Variants in NIBAN1 observed in about 807,000 individuals in gnomAD.
NIBAN1 encodes niban apoptosis regulator 1.
A neutral mutation model predicts 75.1 loss-of-function variants in NIBAN1; 81 were observed. The ratio of observed to expected loss-of-function variants is 1.08; its 90% CI spans 0.90 to 1.30. The LOEUF (loss-of-function observed/expected upper bound fraction) is 1.30. NIBAN1 is among the 50% of genes most tolerant of loss of function. NIBAN1 has a pLI of 0.00. For missense variants in NIBAN1, 1,133 were observed against 1,128.1 expected, an observed-to-expected ratio of 1.00 and a Z score of -0.06; for synonymous variants, 436 against 424.8, an observed-to-expected ratio of 1.03 and a Z score of -0.32.
chr1:184,974,261 G>T (rs748931295), intron 1 of NIBAN1, 41 bp downstream of exon 1: 506 of 1,482,962 alleles, frequency 3.4e-4, no homozygotes, highest in Non-Finnish European at 4.2e-4. Context: ...CCTGGTGCAC[G>T]GGTCAGGGTG....
chr1:184,883,859 C>T (rs190128424), intron 5 of NIBAN1, among the ~76,000 whole-genome samples: 3 of 152,158 alleles, frequency 2.0e-5, no homozygotes, highest in African/African-American at 7.2e-5. Flanking sequence ...TACCACGGAC[C>T]GTGCCACTCA....
At chr1:184,829,313 C>T (rs1654930805) in intron 6 of NIBAN1, among the ~76,000 whole-genome samples, 1 of 152,136 alleles carries the variant, frequency 6.6e-6, no homozygotes, top group Non-Finnish European at 1.5e-5. Context: ...TTGTCTTCTG[C>T]ATGTTTTCTA....
At chr1:184,823,025 C>T (rs1428170326) in intron 8 of NIBAN1, 142 bp downstream of exon 8, 2 of 959,884 alleles carry the variant, frequency 2.1e-6, no homozygotes, top group Non-Finnish European at 3.1e-6. Context: ...GTACCTCCAG[C>T]ATGTTCCTGT....
chr1:184,884,511 C>A (rs1656460046), intron 5 of NIBAN1, 122 bp downstream of exon 5: 1 of 1,326,148 alleles, frequency 7.5e-7, no homozygotes. Context: ...AGGCATGAGC[C>A]ACCGCACTTG....
intron 1 of NIBAN1, among the ~76,000 whole-genome samples, chr1:184,942,693 CAAA>C (rs1235041623): frequency 5.1e-5 from 4 of 78,372 alleles, no homozygotes; most frequent in Admixed American, 1.4e-4. Flanking sequence ...GACTCCGTCT[CAAA>C]AAAAAAAAAA....
At chr1:184,835,768 A>G (rs1382108459) in intron 5 of NIBAN1, among the ~76,000 whole-genome samples, 1 of 152,242 alleles carries the variant, frequency 6.6e-6, no homozygotes, top group Non-Finnish European at 1.5e-5. Flanking sequence ...TTTTCTAAAT[A>G]TACAATCATG....
chr1:184,960,487 G>A (rs539538601), intron 1 of NIBAN1, among the ~76,000 whole-genome samples: 1 of 152,180 alleles, frequency 6.6e-6, no homozygotes, highest in East Asian at 1.9e-4. Flanking sequence ...TATCTGTCAG[G>A]AACTGTGAAC....
chr1:184,910,966 A>G (rs1657225286), intron 1 of NIBAN1, among the ~76,000 whole-genome samples: 1 of 152,078 alleles, frequency 6.6e-6, no homozygotes, highest in African/African-American at 2.4e-5. Flanking sequence ...TCAGACTAGA[A>G]CTGCATCATC....
At chr1:184,860,869 C>G (rs1323057474) in intron 5 of NIBAN1, among the ~76,000 whole-genome samples, 1 of 152,188 alleles carries the variant, frequency 6.6e-6, no homozygotes, top group East Asian at 1.9e-4. Flanking sequence ...GAGAAAGTTT[C>G]TTGTCTGCTT....
chr1:184,957,577 G>A (rs1189593579), intron 1 of NIBAN1, among the ~76,000 whole-genome samples: 1 of 152,166 alleles, frequency 6.6e-6, no homozygotes, highest in Non-Finnish European at 1.5e-5. Context: ...CTCTGCAAAG[G>A]CCTGATGCCA....
At chr1:184,803,532 T>G (rs974319611) in intron 12 of NIBAN1, 53 bp downstream of exon 12, 1 of 1,442,146 alleles carries the variant, frequency 6.9e-7, no homozygotes, top group East Asian at 2.3e-5. Flanking sequence ...AAGAACTTGT[T>G]TGAACTTCAG....
chr1:184,910,859 T>C (rs936627080), intron 1 of NIBAN1, among the ~76,000 whole-genome samples: 1 of 152,132 alleles, frequency 6.6e-6, no homozygotes, highest in Non-Finnish European at 1.5e-5. Flanking sequence ...CGAAATTTTC[T>C]CCTGCCTGAA....
chr1:184,840,522 C>T (rs1317723484), intron 5 of NIBAN1, among the ~76,000 whole-genome samples: 1 of 151,952 alleles, frequency 6.6e-6, no homozygotes, highest in African/African-American at 2.4e-5. Context: ...CTAGTAAAGA[C>T]ATTGTTCTGA....
At chr1:184,866,149 C>G (rs1345839062) in intron 5 of NIBAN1, among the ~76,000 whole-genome samples, 1 of 152,138 alleles carries the variant, frequency 6.6e-6, no homozygotes, top group Non-Finnish European at 1.5e-5. Context: ...CTTCTAGGAA[C>G]TCCTAGTTTT....
At chr1:184,860,870 T>G (rs116621160) in intron 5 of NIBAN1, among the ~76,000 whole-genome samples, 3,239 of 152,320 alleles carry the variant, frequency 0.021, 111 homozygotes, top group African/African-American at 0.073. Context: ...AGAAAGTTTC[T>G]TGTCTGCTTA....
intron 6 of NIBAN1, among the ~76,000 whole-genome samples, chr1:184,827,559 A>AGTTTTTTTT (rs1553217795): frequency 8.2e-5 from 2 of 24,408 alleles, no homozygotes; most frequent in Admixed American, 3.2e-4. Flanking sequence ...AAAATACTTC[A>AGTTTTTTTT]GTTTTTTTTT....
intron 5 of NIBAN1, among the ~76,000 whole-genome samples, chr1:184,836,630 T>C (rs1429713241): frequency 6.6e-6 from 1 of 152,120 alleles, no homozygotes; most frequent in African/African-American, 2.4e-5. Context: ...TCCAATGTAA[T>C]AGTGGTGGAA....
intron 1 of NIBAN1, among the ~76,000 whole-genome samples, chr1:184,924,406 G>T (rs753325593): frequency 6.6e-6 from 1 of 152,102 alleles, no homozygotes; most frequent in Non-Finnish European, 1.5e-5. Flanking sequence ...ACTTCATCAC[G>T]ATAAATGATC....
At chr1:184,818,410 T>C (rs1479009693) in intron 9 of NIBAN1, among the ~76,000 whole-genome samples, 2 of 152,152 alleles carry the variant, frequency 1.3e-5, no homozygotes, top group African/African-American at 4.8e-5. Flanking sequence ...TTATTATTTT[T>C]CTAACTTGAA....
Sources: gnomAD v4.1 joint callset for allele counts (sites outside exome capture counted in the v4.1 genomes callset) on GRCh38, gnomAD v4.1.1 for gene constraint, MANE v1.5 for transcripts, NCBI Gene and HGNC (gene_info 2026-07-23, HGNC 2026-07-21) for gene names.